The following WWOX variants were observed in gnomAD, a reference collection of about 807,000 sequenced individuals.
The protein encoded by WWOX is WW domain-containing oxidoreductase.
WWOX carries 69 observed loss-of-function variants against 46.2 expected under a neutral mutation model. The observed-to-expected ratio is 1.49, with a 90% CI of 1.23 to 1.82. The LOEUF (loss-of-function observed/expected upper bound fraction) is 1.82. WWOX is among the 40% of genes most tolerant of loss of function. The probability of loss-of-function intolerance (pLI) is 0.00; values close to 1 mark genes in which losing one functional copy is unlikely to be tolerated. For synonymous variants in WWOX, 359 were observed against 202.6 expected (o/e 1.77, Z -6.56); for missense variants, 919 against 542.6 (o/e 1.69, Z -6.89).
At chr16:78,154,911 G>T (rs1353340556) in intron 4 of WWOX, among the ~76,000 whole-genome samples, 3 of 152,158 alleles carry the variant, frequency 2.0e-5, no homozygotes, top group African/African-American at 7.2e-5. Context: ...TGAATAATGT[G>T]CACTGAGCAT....
intron 8 of WWOX, among the ~76,000 whole-genome samples, chr16:79,156,459 C>T (rs1049071498): frequency 7.2e-5 from 11 of 152,164 alleles, no homozygotes; most frequent in South Asian, 2.1e-4. Context: ...CCGCTCCCAG[C>T]AACAATTGCA....
intron 8 of WWOX, among the ~76,000 whole-genome samples, chr16:78,849,264 G>A (rs59970728): frequency 0.012 from 1,892 of 152,136 alleles, 42 homozygotes; most frequent in African/African-American, 0.043. Flanking sequence ...GCGAAGTCAC[G>A]AAGTTGTCAA....
intron 8 of WWOX, among the ~76,000 whole-genome samples, chr16:78,794,293 G>C (rs1238002714): frequency 1.3e-5 from 2 of 152,250 alleles, no homozygotes; most frequent in South Asian, 2.1e-4. Context: ...CCAGCTTCCA[G>C]AACCATGAGA....
At chr16:78,887,852 A>G (rs938614698) in intron 8 of WWOX, among the ~76,000 whole-genome samples, 5 of 152,182 alleles carry the variant, frequency 3.3e-5, no homozygotes, top group African/African-American at 7.2e-5. Context: ...TTTAACAGTA[A>G]TTGGTTCATG....
intron 8 of WWOX, among the ~76,000 whole-genome samples, chr16:78,774,531 T>TGTGC (rs1021809877): frequency 9.7e-5 from 14 of 144,252 alleles, no homozygotes; most frequent in African/African-American, 3.1e-4. Flanking sequence ...TGTGTGTGTG[T>TGTGC]GCGCGTGCGC....
At chr16:78,901,075 C>G (rs553877610) in intron 8 of WWOX, among the ~76,000 whole-genome samples, 1 of 152,198 alleles carries the variant, frequency 6.6e-6, no homozygotes, top group Non-Finnish European at 1.5e-5. Flanking sequence ...AGAGTTTGCA[C>G]ACATCTAGAA....
intron 5 of WWOX, among the ~76,000 whole-genome samples, chr16:78,230,155 C>T (rs1312035573): frequency 1.2e-5 from 1 of 85,960 alleles, no homozygotes; most frequent in Non-Finnish European, 2.1e-5. Flanking sequence ...GTTGGGATTA[C>T]AGGCGTGAGC....
At chr16:78,326,251 C>T (rs72792354) in intron 5 of WWOX, among the ~76,000 whole-genome samples, 12,959 of 152,232 alleles carry the variant, frequency 0.085, 747 homozygotes, top group East Asian at 0.21. Flanking sequence ...CAAAACACAA[C>T]GGTTGCTGTC....
intron 8 of WWOX, among the ~76,000 whole-genome samples, chr16:78,542,089 C>G (rs2043911893): frequency 7.1e-6 from 1 of 141,434 alleles, no homozygotes; most frequent in Admixed American, 7.4e-5. Context: ...ACTTAATCTT[C>G]ATGATGTTTG....
At chr16:78,927,226 C>A (rs1296739966) in intron 8 of WWOX, among the ~76,000 whole-genome samples, 1 of 152,184 alleles carries the variant, frequency 6.6e-6, no homozygotes, top group African/African-American at 2.4e-5. Context: ...ATTTTCAATG[C>A]CTGGCTGGTT....
intron 8 of WWOX, among the ~76,000 whole-genome samples, chr16:78,799,109 C>T (rs190637564): frequency 1.3e-5 from 2 of 152,230 alleles, no homozygotes; most frequent in East Asian, 1.9e-4. Flanking sequence ...GTGTAGATTA[C>T]CTCCACTTCA....
intron 5 of WWOX, among the ~76,000 whole-genome samples, chr16:78,296,290 AC>A (rs1235144852): frequency 2.6e-5 from 4 of 151,802 alleles, no homozygotes; most frequent in Non-Finnish European, 5.9e-5. Context: ...TGGTAATAAT[AC>A]TTTTTTACAT....
intron 8 of WWOX, among the ~76,000 whole-genome samples, chr16:78,924,353 G>A (rs1183929954): frequency 4.6e-5 from 7 of 152,160 alleles, no homozygotes; most frequent in Non-Finnish European, 1.0e-4. Context: ...AATGGAGCTT[G>A]CTGCCATCAT....
At chr16:78,809,986 C>T (rs531645463) in intron 8 of WWOX, among the ~76,000 whole-genome samples, 1 of 152,126 alleles carries the variant, frequency 6.6e-6, no homozygotes, top group Non-Finnish European at 1.5e-5. Context: ...AATCTCAGCA[C>T]CAATAGAAAC....
intron 6 of WWOX, among the ~76,000 whole-genome samples, chr16:78,400,590 C>T (rs182272104): frequency 6.6e-6 from 1 of 151,998 alleles, no homozygotes; most frequent in Admixed American, 6.6e-5. Context: ...GCCCATGAAT[C>T]CAGCTTGGTT....
intron 8 of WWOX, among the ~76,000 whole-genome samples, chr16:78,843,521 CAT>C (rs2052216557): frequency 6.7e-6 from 1 of 149,282 alleles, no homozygotes; most frequent in South Asian, 2.2e-4. Flanking sequence ...CCACAAATGA[CAT>C]GTTTTGACTC....
intron 8 of WWOX, among the ~76,000 whole-genome samples, chr16:79,087,223 G>C (rs1411165129): frequency 6.6e-6 from 1 of 152,248 alleles, no homozygotes; most frequent in Non-Finnish European, 1.5e-5. Flanking sequence ...ATCTTCAAAA[G>C]TGGCATGGAT....
At chr16:78,774,273 C>A (rs192625534) in intron 8 of WWOX, among the ~76,000 whole-genome samples, 3 of 152,034 alleles carry the variant, frequency 2.0e-5, no homozygotes, top group African/African-American at 7.2e-5. Flanking sequence ...TGGTAGCAGG[C>A]GCCTGTAATC....
chr16:78,553,887 G>T (rs1326363214), intron 8 of WWOX, among the ~76,000 whole-genome samples: 2 of 152,160 alleles, frequency 1.3e-5, no homozygotes, highest in East Asian at 3.9e-4. Flanking sequence ...TGGAACGTGG[G>T]AGTTTAAGAG....
Sources: allele counts gnomAD v4.1 joint callset (sites outside exome capture counted in the v4.1 genomes callset), GRCh38; gene constraint gnomAD v4.1.1; transcripts MANE v1.5; gene names NCBI Gene and HGNC (gene_info 2026-07-23, HGNC 2026-07-21).